SCD5: variants seen among roughly 807,000 people sequenced by gnomAD.
SCD5 encodes the protein stearoyl-CoA desaturase 5.
A neutral mutation model predicts 30.4 loss-of-function variants in SCD5; 20 were observed. That is an observed-to-expected ratio of 0.66 (90% CI 0.46 to 0.96). SCD5 has a LOEUF of 0.96. Ranked by LOEUF, SCD5 falls within the 40% of genes least tolerant of loss-of-function variation. The pLI is 0.00. For synonymous variants in SCD5, 173 were observed against 176.4 expected (o/e 0.98, Z 0.16); for missense variants, 381 against 443.3 (o/e 0.86, Z 1.26).
chr4:82,640,089 C>G (rs932129284), intron 3 of SCD5, among the ~76,000 whole-genome samples: 1 of 152,162 alleles, frequency 6.6e-6, no homozygotes, highest in African/African-American at 2.4e-5. Context: ...GGCTCCTGCT[C>G]TCTGACCCCT....
At chr4:82,721,193 C>A (rs1720363418) in intron 1 of SCD5, among the ~76,000 whole-genome samples, 1 of 151,654 alleles carries the variant, frequency 6.6e-6, no homozygotes, top group South Asian at 2.1e-4. Flanking sequence ...AACAAACAAA[C>A]AAAAAACCTC....
intron 1 of SCD5, among the ~76,000 whole-genome samples, chr4:82,724,654 T>C (rs1411238295): frequency 6.6e-6 from 1 of 152,224 alleles, no homozygotes; most frequent in Non-Finnish European, 1.5e-5. Flanking sequence ...CCTAATGCTT[T>C]CTGAGTCTGT....
intron 1 of SCD5, among the ~76,000 whole-genome samples, chr4:82,795,621 G>A (rs534568060): frequency 4.6e-5 from 7 of 151,258 alleles, no homozygotes; most frequent in Non-Finnish European, 7.4e-5. Context: ...ATTCAAGACC[G>A]GCCTGGGCAA....
intron 1 of SCD5, among the ~76,000 whole-genome samples, chr4:82,765,989 A>G (rs563280877): frequency 1.6e-4 from 25 of 152,314 alleles, no homozygotes; most frequent in Admixed American, 1.4e-3. Flanking sequence ...CAGAGGGCCA[A>G]CTATACTGTT....
At chr4:82,684,225 A>G (rs920844731) in intron 2 of SCD5, among the ~76,000 whole-genome samples, 2 of 152,224 alleles carry the variant, frequency 1.3e-5, no homozygotes, top group African/African-American at 4.8e-5. Context: ...AATGAAGCAC[A>G]TTCCAAATAA....
chr4:82,784,279 C>T (rs1721940992), intron 1 of SCD5, among the ~76,000 whole-genome samples: 1 of 152,160 alleles, frequency 6.6e-6, no homozygotes, highest in Admixed American at 6.5e-5. Context: ...TACAACGCTT[C>T]AGGTGATGGT....
intron 1 of SCD5, among the ~76,000 whole-genome samples, chr4:82,712,255 TA>T (rs1560540661): frequency 5.1e-4 from 15 of 29,454 alleles, no homozygotes; most frequent in African/African-American, 2.9e-3. Flanking sequence ...TATATATATA[TA>T]TATATATATA....
chr4:82,654,516 A>AT (rs961250104), intron 3 of SCD5, among the ~76,000 whole-genome samples: 26 of 151,862 alleles, frequency 1.7e-4, no homozygotes, highest in African/African-American at 3.6e-4. Flanking sequence ...TAAATAAAAC[A>AT]TTTTTTTTTG....
At chr4:82,745,674 T>C (rs553965922) in intron 1 of SCD5, among the ~76,000 whole-genome samples, 39 of 152,312 alleles carry the variant, frequency 2.6e-4, no homozygotes, top group Admixed American at 1.9e-3. Flanking sequence ...CCCTGCCCAA[T>C]GATTTTTAAA....
Position 82,712,998 on chromosome 4 carries a change from T to C in SCD5, c.233-7585A>G, listed in dbSNP as rs989972847. Among the ~76,000 whole-genome samples the C allele has an allele frequency of 3.9e-5, 6 of 152,304 alleles. No individual in the cohort carries two copies. The East Asian group carries it at 7.7e-4, about 20-fold the overall frequency. On this transcript the variant is annotated intron_variant, in intron 1 of 4. Coordinates refer to ENST00000319540, the MANE Select transcript of SCD5 (RefSeq NM_001037582.3). ...GAAGCAAAGGGTTTCTTCTTACTAT[T>C]AAAACCTTCTAAATTCTATTATACT... is the stretch of plus-strand genomic sequence containing the variant.
At chr4:82,747,069 G>GCCCCC (rs151046123) in intron 1 of SCD5, among the ~76,000 whole-genome samples, 17,896 of 139,676 alleles carry the variant, frequency 0.13, 2,135 homozygotes, top group South Asian at 0.2. Flanking sequence ...TGGGCAACCT[G>GCCCCC]CCCCCCAAGA....
chr4:82,636,623 C>T lies in SCD5; in HGVS notation c.770G>A (p.Arg257Gln), dbSNP rs747542095. The change falls in exon 4 of 5, where the codon CGG becomes CAG. Residue 257 changes from arginine to glutamine, a missense_variant. Transcript: ENST00000319540. ...ACCCAGAGCGACGAGTGGGTTCTGC[C>T]GAGGGCTGATGTGCTTGTCATAGGG... ...NRPYDKHISP[R>Q]QNPLVALGAI... 9.9e-6 allele frequency: 16 copies of T among 1,613,994 alleles called. No homozygotes were observed. The highest frequency in any genetic ancestry group is 1.1e-5 in the Non-Finnish European group (13 of 1,180,026).
At chr4:82,673,683 C>T (rs1210133824) in intron 3 of SCD5, among the ~76,000 whole-genome samples, 2 of 152,092 alleles carry the variant, frequency 1.3e-5, no homozygotes, top group African/African-American at 4.8e-5. Context: ...AGGCAAATGA[C>T]TCAGAATAGC....
chr4:82,770,420 C>G (rs919045231), intron 1 of SCD5, among the ~76,000 whole-genome samples: 2 of 152,186 alleles, frequency 1.3e-5, no homozygotes, highest in Non-Finnish European at 2.9e-5. Context: ...TGAGTTGCAG[C>G]TGATCATCCG....
chr4:82,660,491 A>T (rs1333461060), intron 3 of SCD5: 1 of 983,274 alleles, frequency 1.0e-6, no homozygotes, highest in African/African-American at 1.7e-5. Flanking sequence ...TATAAATGGA[A>T]TATCTCCTAT....
At chr4:82,716,894 C>CT (rs951938558) in intron 1 of SCD5, among the ~76,000 whole-genome samples, 3 of 151,682 alleles carry the variant, frequency 2.0e-5, no homozygotes, top group African/African-American at 7.3e-5. Flanking sequence ...TGTACAGGCC[C>CT]TTTTTTCCTG....
At chr4:82,643,942 T>C (rs542490375) in intron 3 of SCD5, among the ~76,000 whole-genome samples, 3 of 152,360 alleles carry the variant, frequency 2.0e-5, no homozygotes, top group East Asian at 1.9e-4. Context: ...GTTGAGCCAC[T>C]GAACTAACCA....
At chr4:82,783,884 G>A (rs1343581627) in intron 1 of SCD5, among the ~76,000 whole-genome samples, 1 of 151,800 alleles carries the variant, frequency 6.6e-6, no homozygotes, top group African/African-American at 2.4e-5. Context: ...TCCAGATTTT[G>A]ATAACTGTGC....
intron 1 of SCD5, among the ~76,000 whole-genome samples, chr4:82,758,718 C>T (rs1370892068): frequency 1.3e-5 from 2 of 151,838 alleles, no homozygotes; most frequent in African/African-American, 2.4e-5. Flanking sequence ...GAGCATGGGC[C>T]GGGAGGGCGG....
Sources: gnomAD v4.1 joint callset for allele counts (sites outside exome capture counted in the v4.1 genomes callset) on GRCh38, gnomAD v4.1.1 for gene constraint, MANE v1.5 for transcripts, NCBI Gene and HGNC (gene_info 2026-07-23, HGNC 2026-07-21) for gene names.